Variants in PCDH15 observed in about 807,000 individuals in gnomAD.
The protein encoded by PCDH15 is protocadherin related 15.
PCDH15 carries 129 observed loss-of-function variants against 178.5 expected under a neutral mutation model. The ratio of observed to expected loss-of-function variants is 0.72; its 90% confidence interval spans 0.63 to 0.84. The LOEUF (loss-of-function observed/expected upper bound fraction) is 0.84, where lower values mean the gene tolerates loss of function less well. PCDH15 is among the 40% of genes least tolerant of loss of function. The pLI is 0.00. For missense variants in PCDH15, 2,230 were observed against 2,099.9 expected, an observed-to-expected ratio of 1.06 and a Z score of -1.21; for synonymous variants, 800 against 732.0, an observed-to-expected ratio of 1.09 and a Z score of -1.50.
intron 8 of PCDH15, among the ~76,000 whole-genome samples, chr10:54,258,907 TTTC>T (rs1206998860): frequency 6.6e-6 from 1 of 152,178 alleles, no homozygotes; most frequent in Non-Finnish European, 1.5e-5. Context: ...TTTGCATTTA[TTTC>T]TTATTTCATC....
chr10:54,369,153 G>A lies in PCDH15; in HGVS notation c.441C>T (p.Phe147=). 6.2e-7 allele frequency: 1 copy of A among 1,613,004 alleles called. No homozygotes were observed. The highest frequency in any genetic ancestry group is 8.5e-7 in the Non-Finnish European group (1 of 1,179,374). Residue 147 remains phenylalanine (F), a synonymous_variant, in exon 5 of 38, where the codon TTC becomes TTT. Transcript: ENST00000644397. ...CTGTGGCATAGTAGCTTTCATGCTT[G>A]AAAGTGGGTGAGTTGTCATTCCTGT... ...VRDRNDNSPT[F]KHESYYATVN...
intron 2 of PCDH15, among the ~76,000 whole-genome samples, chr10:55,487,672 A>G (rs1840324181): frequency 1.3e-5 from 2 of 151,674 alleles, no homozygotes; most frequent in African/African-American, 2.4e-5. Context: ...TGATGGCACA[A>G]TAACATGCAA....
chr10:55,437,059 C>T (rs7913043), intron 2 of PCDH15, among the ~76,000 whole-genome samples: 117,006 of 152,130 alleles, frequency 0.77, 46,296 homozygotes, highest in East Asian at 1. Flanking sequence ...TTGTCCTAGT[C>T]TTGGTTTCAC....
intron 15 of PCDH15, among the ~76,000 whole-genome samples, chr10:54,103,689 G>C (rs1373593237): frequency 3.3e-5 from 5 of 152,144 alleles, no homozygotes; most frequent in Non-Finnish European, 5.9e-5. Context: ...GGCATTTCCA[G>C]CAAGCTCAGA....
intron 2 of PCDH15, among the ~76,000 whole-genome samples, chr10:54,557,241 T>C (rs1332411108): frequency 6.6e-6 from 1 of 152,176 alleles, no homozygotes; most frequent in Non-Finnish European, 1.5e-5. Flanking sequence ...AAGGAAGGTA[T>C]TTTGGACAAT....
At chr10:54,729,879 T>C (rs914921498) in intron 1 of PCDH15, among the ~76,000 whole-genome samples, 1 of 151,570 alleles carries the variant, frequency 6.6e-6, no homozygotes, top group Admixed American at 6.6e-5. Context: ...AGAATGACTA[T>C]TATTAAAAAG....
chr10:54,194,753 C>G (rs1177319028), intron 11 of PCDH15, among the ~76,000 whole-genome samples: 1 of 150,480 alleles, frequency 6.6e-6, no homozygotes, highest in Non-Finnish European at 1.5e-5. Flanking sequence ...TATATATACA[C>G]AAAACATATG....
Position 55,296,035 on chromosome 10 carries a change from G to A in PCDH15, c.-156+23564C>T, listed in dbSNP as rs566301650. 2.8e-4 allele frequency among the ~76,000 whole-genome samples: 43 copies of A among 152,196 alleles called. No homozygotes were observed. In the South Asian group the frequency reaches 8.9e-3, roughly 32 times the overall value. ...CTTATACTTTGCTGTAATGACTCACGATTCAGGGAAATACTTTCTTATTAC... is the reference window on the plus strand; with the variant it reads ...CTTATACTTTGCTGTAATGACTCACAATTCAGGGAAATACTTTCTTATTAC... On this transcript the variant is annotated intron_variant, in intron 1 of 5. Transcript: ENST00000458638.
chr10:54,299,664 C>A (rs1484386013), intron 8 of PCDH15, among the ~76,000 whole-genome samples: 1 of 152,138 alleles, frequency 6.6e-6, no homozygotes, highest in Non-Finnish European at 1.5e-5. Flanking sequence ...GAACTCCCTT[C>A]AGGACAGGAG....
In PCDH15 at chr10:54,899,099, C is replaced by T. The variant is rs1232008214; in HGVS notation, c.-79-1599G>A. Among the ~76,000 whole-genome samples the T allele has an allele frequency of 5.3e-5, 8 of 152,044 alleles. No individual in the cohort carries two copies. The East Asian group carries it at 7.7e-4, about 15-fold the overall frequency. ...GCCATTTAAAAAAAGTATTATTACACGAAAAGAAATTCAGCTGTATGAAGT... is the reference window on the plus strand; with the variant it reads ...GCCATTTAAAAAAAGTATTATTACATGAAAAGAAATTCAGCTGTATGAAGT... On this transcript the variant is annotated intron_variant, in intron 2 of 5. Coordinates refer to the PCDH15 transcript ENST00000458638.
chr10:54,442,561 C>T (rs1462695471), intron 3 of PCDH15, among the ~76,000 whole-genome samples: 1 of 145,820 alleles, frequency 6.9e-6, no homozygotes, highest in Admixed American at 6.9e-5. Context: ...CATAATTATG[C>T]ATAAATTCCT....
intron 13 of PCDH15, among the ~76,000 whole-genome samples, chr10:54,175,091 T>C (rs745927101): frequency 4.6e-5 from 7 of 152,204 alleles, no homozygotes; most frequent in Non-Finnish European, 8.8e-5. Context: ...TTTGTAAGCT[T>C]TGCTCATGAA....
intron 13 of PCDH15, among the ~76,000 whole-genome samples, chr10:54,173,492 GA>G (rs2047110460): frequency 6.6e-6 from 1 of 151,992 alleles, no homozygotes. Flanking sequence ...ACGTTATAGG[GA>G]TACTAATATA....
chr10:53,986,191 C>T (rs560885029), intron 21 of PCDH15, among the ~76,000 whole-genome samples: 12 of 152,128 alleles, frequency 7.9e-5, no homozygotes, highest in East Asian at 3.9e-4. Flanking sequence ...CATACACACT[C>T]GACATACAAA....
intron 2 of PCDH15, among the ~76,000 whole-genome samples, chr10:54,532,335 C>A (rs560243003): frequency 6.6e-6 from 1 of 152,102 alleles, no homozygotes; most frequent in Non-Finnish European, 1.5e-5. Context: ...CCACAATATG[C>A]CTTCTCCTTC....
chr10:54,307,086 ATATATATGTGTGTGTGTG>A (rs2060567178), intron 8 of PCDH15, among the ~76,000 whole-genome samples: 7 of 8,268 alleles, frequency 8.5e-4, no homozygotes, highest in African/African-American at 1.9e-3. Context: ...ATATACATAT[ATATATATGTGTGTGTGTG>A]TATATATATA....
chr10:54,482,638 T>G (rs2078804796), intron 3 of PCDH15, among the ~76,000 whole-genome samples: 1 of 151,680 alleles, frequency 6.6e-6, no homozygotes, highest in Non-Finnish European at 1.5e-5. Flanking sequence ...GGAATGAGGT[T>G]GGGATATTTG....
At chr10:54,167,565 G>A (rs1342795610) in intron 13 of PCDH15, among the ~76,000 whole-genome samples, 4 of 151,880 alleles carry the variant, frequency 2.6e-5, no homozygotes, top group Admixed American at 6.6e-5. Flanking sequence ...CACCCTTAGC[G>A]GCAAGTCCTG....
chr10:54,307,536 G>A (rs375289910), intron 8 of PCDH15, among the ~76,000 whole-genome samples: 20 of 151,722 alleles, frequency 1.3e-4, no homozygotes, highest in African/African-American at 3.4e-4. Context: ...ATACCTCCCC[G>A]TCTGACATTT....
Sources: allele counts gnomAD v4.1 joint callset (sites outside exome capture counted in the v4.1 genomes callset), GRCh38; gene constraint gnomAD v4.1.1; transcripts MANE v1.5; gene names NCBI Gene and HGNC (gene_info 2026-07-23, HGNC 2026-07-21).